The following MTRF1 variants were observed in gnomAD, a reference collection of about 807,000 sequenced individuals.
The protein encoded by MTRF1 is peptide chain release factor 1, mitochondrial.
MTRF1 carries 51 observed loss-of-function variants against 62.9 expected under a neutral mutation model. That is an observed-to-expected ratio of 0.81 (90% CI 0.65 to 1.02). The LOEUF is 1.02. MTRF1 is among the 50% of genes least tolerant of loss of function. MTRF1 has a pLI of 0.00. For missense variants in MTRF1, 446 were observed against 530.0 expected (o/e 0.84, Z 1.56); for synonymous variants, 158 against 181.9 (o/e 0.87, Z 1.06).
At chr13:41,268,290 T>G (rs1426766117), upstream of MTRF1, among the ~76,000 whole-genome samples, 1 of 152,216 alleles carries the variant, frequency 6.6e-6, no homozygotes, top group Admixed American at 6.5e-5. Context: ...TAAGCCAAAT[T>G]ATGTCATTTT....
chr13:41,255,921 T>C (rs979601864), intron 2 of MTRF1, among the ~76,000 whole-genome samples: 1 of 152,118 alleles, frequency 6.6e-6, no homozygotes, highest in Non-Finnish European at 1.5e-5. Context: ...TCAGTGGCCA[T>C]TGCTGCAAAT....
At chr13:41,309,267 C>T in the MTRF1 span, among the ~76,000 whole-genome samples, 1 of 151,754 alleles carries the variant, frequency 6.6e-6, no homozygotes, top group East Asian at 1.9e-4. Flanking sequence ...AACCTGTCTC[C>T]CAGGCTCAAT....
chr13:41,297,962 G>A, the MTRF1 span, among the ~76,000 whole-genome samples: 1 of 151,918 alleles, frequency 6.6e-6, no homozygotes, highest in Non-Finnish European at 1.5e-5. Flanking sequence ...TAATAGAATC[G>A]GATTTCAAAA....
chr13:41,263,537 C>A lies in MTRF1; in HGVS notation c.-61G>T, dbSNP rs2040709470. On this transcript the variant is annotated 5_prime_UTR_variant, in exon 1 of 10. Transcript: ENST00000379480. ...TCTCTTTACTGAGGTCGGAACCTTC[C>A]GAGACCCGCCACATTTCAGCCCGAC... is the stretch of plus-strand genomic sequence containing the variant. The A allele has an allele frequency of 4.6e-6, 1 of 215,734 alleles. No individual in the cohort carries two copies. The highest frequency in any genetic ancestry group is 9.7e-6 in the Non-Finnish European group (1 of 103,344). 13.4% of individuals were successfully genotyped at this position (215,734 alleles called of 1,614,324 possible).
upstream of MTRF1, among the ~76,000 whole-genome samples, chr13:41,266,405 A>C (rs1440628108): frequency 6.6e-6 from 1 of 151,648 alleles, no homozygotes; most frequent in Non-Finnish European, 1.5e-5. Context: ...TGAGGCCAGG[A>C]GTTTGAGACC....
chr13:41,286,365 C>T, the MTRF1 span, among the ~76,000 whole-genome samples: 1 of 152,178 alleles, frequency 6.6e-6, no homozygotes, highest in Non-Finnish European at 1.5e-5. Flanking sequence ...CATAGTTTGT[C>T]TTGCTCAAAA....
chr13:41,223,376 T>TTTATA, intron 8 of MTRF1, 22 bp from the exon 9 acceptor site: 1 of 1,588,504 alleles, frequency 6.3e-7, no homozygotes, highest in Non-Finnish European at 8.6e-7. Context: ...CAAAAAGCAA[T>TTTATA]TTATATTTTA....
the MTRF1 span, among the ~76,000 whole-genome samples, chr13:41,292,607 A>G: frequency 6.7e-6 from 1 of 148,184 alleles, no homozygotes; most frequent in Admixed American, 6.7e-5. Flanking sequence ...AAAAAAATTT[A>G]AACAAACTCA....
intron 1 of MTRF1, 42 bp from the exon 2 acceptor site, chr13:41,260,957 T>C (rs1254816981): frequency 7.1e-7 from 1 of 1,415,204 alleles, no homozygotes; most frequent in South Asian, 1.4e-5. Context: ...AAATCATCTC[T>C]AAAGATACAT....
the MTRF1 span, among the ~76,000 whole-genome samples, chr13:41,308,447 T>C: frequency 0.012 from 1,785 of 152,314 alleles, 28 homozygotes; most frequent in African/African-American, 0.04. Context: ...AATGACAATG[T>C]AGATAAATTG....
At chr13:41,282,350 G>A in the MTRF1 span, among the ~76,000 whole-genome samples, 1 of 152,106 alleles carries the variant, frequency 6.6e-6, no homozygotes, top group Non-Finnish European at 1.5e-5. Context: ...CCAGCTACTT[G>A]TGAAGCCGAG....
intron 5 of MTRF1, 127 bp from the exon 6 acceptor site, chr13:41,240,560 G>T: frequency 1.4e-6 from 1 of 711,698 alleles, no homozygotes; most frequent in Non-Finnish European, 2.0e-6. Context: ...AAGCATGGGA[G>T]AACGAGGGCC....
chr13:41,229,829 G>A (rs1188112447), intron 7 of MTRF1, among the ~76,000 whole-genome samples: 1 of 152,126 alleles, frequency 6.6e-6, no homozygotes, highest in Non-Finnish European at 1.5e-5. Context: ...GGACGGGCAT[G>A]GTGGCTCATG....
the MTRF1 span, among the ~76,000 whole-genome samples, chr13:41,293,161 T>TGC: frequency 6.6e-6 from 1 of 152,070 alleles, no homozygotes; most frequent in African/African-American, 2.4e-5. Context: ...TTTGTGTGTG[T>TGC]GTGTGTGTGT....
At chr13:41,290,532 C>A in the MTRF1 span, among the ~76,000 whole-genome samples, 1 of 151,284 alleles carries the variant, frequency 6.6e-6, no homozygotes, top group African/African-American at 2.4e-5. Context: ...GTAGCTGGGA[C>A]TACAGGCCTA....
the MTRF1 span, among the ~76,000 whole-genome samples, chr13:41,288,884 G>A: frequency 3.3e-5 from 5 of 152,122 alleles, no homozygotes; most frequent in African/African-American, 4.8e-5. Context: ...ATGAACATAC[G>A]GTGCAGTGAT....
the MTRF1 span, among the ~76,000 whole-genome samples, chr13:41,296,944 T>C: frequency 6.6e-6 from 1 of 152,196 alleles, no homozygotes; most frequent in Non-Finnish European, 1.5e-5. Flanking sequence ...AGCTGTTGTT[T>C]TGAATTCTTC....
At chr13:41,257,734 G>A (rs1448689202) in intron 2 of MTRF1, 2 of 440,406 alleles carry the variant, frequency 4.5e-6, no homozygotes, top group Admixed American at 2.4e-5. Context: ...GGAGTTCAAG[G>A]TTAAAGTGAG....
At chr13:41,223,489 A>G (rs2033811552) in intron 8 of MTRF1, 135 bp from the exon 9 acceptor site, 1 of 671,100 alleles carries the variant, frequency 1.5e-6, no homozygotes, top group Non-Finnish European at 2.5e-6. Context: ...TGACAAAGAA[A>G]AAGAATGGGC....
Sources: gnomAD v4.1 joint callset for allele counts (sites outside exome capture counted in the v4.1 genomes callset) on GRCh38, gnomAD v4.1.1 for gene constraint, MANE v1.5 for transcripts, NCBI Gene and HGNC (gene_info 2026-07-23, HGNC 2026-07-21) for gene names.